Variants in ZBTB41 observed in about 807,000 individuals in gnomAD.
ZBTB41 encodes the protein zinc finger and BTB domain containing 41, also known as zinc finger and BTB domain-containing protein 41.
A neutral mutation model predicts 87.6 loss-of-function variants in ZBTB41; 42 were observed. That is an observed-to-expected ratio of 0.48 (90% CI 0.37 to 0.62). ZBTB41 has a LOEUF of 0.62. Ranked by LOEUF, ZBTB41 falls within the 20% of genes least tolerant of loss-of-function variation. ZBTB41 has a pLI of 0.00. For missense variants in ZBTB41, 799 were observed against 1,078.9 expected (o/e 0.74, Z 3.63); for synonymous variants, 364 against 364.0 (o/e 1.00, Z 0.00).
chr1:197,168,937 A>G (rs1258346407), intron 10 of ZBTB41, among the ~76,000 whole-genome samples: 1 of 152,110 alleles, frequency 6.6e-6, no homozygotes, highest in Non-Finnish European at 1.5e-5. Flanking sequence ...TTAATCTAGT[A>G]TTACACAAAA....
At chr1:197,171,285 G>C (rs1659470326) in intron 10 of ZBTB41, among the ~76,000 whole-genome samples, 1 of 151,980 alleles carries the variant, frequency 6.6e-6, no homozygotes, top group Admixed American at 6.6e-5. Context: ...TATTTGGAGA[G>C]GGCTGTAACT....
intron 2 of ZBTB41, among the ~76,000 whole-genome samples, chr1:197,194,654 G>C: frequency 6.7e-6 from 1 of 148,368 alleles, no homozygotes; most frequent in South Asian, 2.1e-4. Flanking sequence ...AAGGAAGTTT[G>C]GGAATTTAAA....
At chr1:197,170,645 A>T (rs145879180) in intron 10 of ZBTB41, among the ~76,000 whole-genome samples, 1 of 152,226 alleles carries the variant, frequency 6.6e-6, no homozygotes, top group African/African-American at 2.4e-5. Context: ...TTCTTGCAAA[A>T]GCCACTCTGT....
At chr1:197,172,302 AAT>A (rs1456624108) in intron 9 of ZBTB41, 54 bp from the exon 10 acceptor site, 5 of 513,604 alleles carry the variant, frequency 9.7e-6, no homozygotes, top group African/African-American at 4.1e-5. Flanking sequence ...AACTATAATA[AAT>A]ATGACAATAT....
At chr1:197,194,802 T>C (rs1256747939) in intron 2 of ZBTB41, among the ~76,000 whole-genome samples, 1 of 152,170 alleles carries the variant, frequency 6.6e-6, no homozygotes, top group Non-Finnish European at 1.5e-5. Flanking sequence ...ATTCAAATTT[T>C]ATGCACTTAG....
chr1:197,184,793 A>ACTAT (rs1659839690), intron 5 of ZBTB41, among the ~76,000 whole-genome samples: 1 of 78,942 alleles, frequency 1.3e-5, no homozygotes, highest in Admixed American at 1.8e-4. Context: ...TAAGTTTACA[A>ACTAT]CTATTTATTT....
At chr1:197,164,309 GACA>G (rs906314095) in intron 10 of ZBTB41, among the ~76,000 whole-genome samples, 2 of 151,892 alleles carry the variant, frequency 1.3e-5, no homozygotes, top group Non-Finnish European at 2.9e-5. Flanking sequence ...AGGGAAAAAT[GACA>G]ACAACAATCC....
intron 2 of ZBTB41, among the ~76,000 whole-genome samples, chr1:197,195,522 T>TA (rs1660142255): frequency 6.6e-6 from 1 of 152,172 alleles, no homozygotes; most frequent in Non-Finnish European, 1.5e-5. Context: ...TACTTAGCCT[T>TA]AGAGAGTTGT....
intron 1 of ZBTB41, among the ~76,000 whole-genome samples, 89 bp downstream of exon 1, chr1:197,201,134 C>T (rs1652779708): frequency 6.6e-6 from 1 of 152,230 alleles, no homozygotes; most frequent in African/African-American, 2.4e-5. Flanking sequence ...TTCCCAGGCC[C>T]GGGCAAGGCG....
chr1:197,166,802 G>A (rs913421617), intron 10 of ZBTB41, among the ~76,000 whole-genome samples: 8 of 152,114 alleles, frequency 5.3e-5, no homozygotes, highest in East Asian at 3.9e-4. Context: ...AGCCAAGATC[G>A]TGCTATTGCA....
At chr1:197,176,392 A>G (rs1343871604) in intron 8 of ZBTB41, among the ~76,000 whole-genome samples, 172 bp downstream of exon 8, 1 of 152,096 alleles carries the variant, frequency 6.6e-6, no homozygotes, top group African/African-American at 2.4e-5. Flanking sequence ...TCATAAACTT[A>G]TGTCCCTTTT....
intron 2 of ZBTB41, among the ~76,000 whole-genome samples, chr1:197,196,776 A>G (rs1471673299): frequency 1.3e-5 from 2 of 152,058 alleles, no homozygotes; most frequent in African/African-American, 2.4e-5. Flanking sequence ...CCACCTTGAA[A>G]CCACTCACAC....
intron 10 of ZBTB41, among the ~76,000 whole-genome samples, chr1:197,166,618 G>C (rs1338966465): frequency 2.0e-5 from 3 of 151,944 alleles, no homozygotes; most frequent in Admixed American, 2.0e-4. Flanking sequence ...GGCCGAGGTG[G>C]GTAGATCACA....
intron 1 of ZBTB41, among the ~76,000 whole-genome samples, 172 bp downstream of exon 1, chr1:197,201,051 G>A (rs1433702533): frequency 6.6e-6 from 1 of 152,232 alleles, no homozygotes; most frequent in Non-Finnish European, 1.5e-5. Flanking sequence ...CACCCGGTGA[G>A]AGACGGCCCC....
At chr1:197,163,211 A>G (rs992056808) in intron 10 of ZBTB41, among the ~76,000 whole-genome samples, 1 of 152,194 alleles carries the variant, frequency 6.6e-6, no homozygotes, top group Non-Finnish European at 1.5e-5. Flanking sequence ...CTTGTGAGAA[A>G]AAATTTAAAT....
At chr1:197,198,324 T>C (rs1450410078) in intron 2 of ZBTB41, among the ~76,000 whole-genome samples, 1 of 152,290 alleles carries the variant, frequency 6.6e-6, no homozygotes, top group East Asian at 1.9e-4. Flanking sequence ...CAGATACCAC[T>C]GTTATGTCAG....
chr1:197,176,574 T>G lies in ZBTB41; in HGVS notation c.1869A>C (p.Lys623Asn). 2 of 1,610,046 alleles carry G rather than the reference T, an allele frequency of 1.2e-6. No individual in the cohort carries two copies. The highest frequency in any genetic ancestry group is 1.7e-6 in the Non-Finnish European group (2 of 1,177,968). Residue 623 changes from lysine (K) to asparagine (N), a missense_variant, in exon 8 of 11, where the codon AAA (lysine) becomes AAC (asparagine). This residue lies in a region of ZBTB41 where 198 missense variants were observed against 358.4 expected (regional missense o/e 0.55). Transcript: ENST00000367405. The stretch of plus-strand genomic sequence containing the variant: ...CAAAATATGGTATACCTGAATGTAT[T>G]TTTTTGTGCTTTGTAAGGTGATCAT... ...IRHDHLTKHKKIHSGEKAHQC... is the reference protein window; with the variant it reads ...IRHDHLTKHKNIHSGEKAHQC...
At position 197,153,840 on chromosome 1, in the gene ZBTB41, C is replaced by T. The variant is rs2125119330; in HGVS notation, c.*5519G>A. The T allele has an allele frequency of 6.6e-6, 1 of 152,196 alleles. No homozygotes were observed. Among genetic ancestry groups the T allele is most frequent in the South Asian group, 2.1e-4 (1 of 4,822 alleles). The allele number at this position is 152,196 out of a possible 1,614,324, so 9.4% of individuals were successfully genotyped here. ...AGACAACCAAAGTATGTATAAAACT[C>T]ACAAGATATTTTACACACAGTTCAC... On this transcript the variant is annotated 3_prime_UTR_variant, in exon 11 of 11. Transcript: ENST00000367405.
intron 6 of ZBTB41, among the ~76,000 whole-genome samples, chr1:197,179,932 A>G (rs932692792): frequency 6.6e-6 from 1 of 152,054 alleles, no homozygotes; most frequent in Non-Finnish European, 1.5e-5. Flanking sequence ...TGTTCATTTG[A>G]GGGAAAAAAT....
Sources: gnomAD v4.1 joint callset for allele counts (sites outside exome capture counted in the v4.1 genomes callset) on GRCh38, gnomAD v4.1.1 for gene constraint, gnomAD v4.1.1 regional missense constraint, MANE v1.5 for transcripts, NCBI Gene and HGNC (gene_info 2026-07-23, HGNC 2026-07-21) for gene names.